Variants in TBCK observed in about 807,000 individuals in gnomAD.
TBCK encodes TBC domain-containing protein kinase-like protein.
TBCK carries 99 observed loss-of-function variants against 113.4 expected under a neutral mutation model. That is an observed-to-expected ratio of 0.87 (90% CI 0.74 to 1.03). TBCK has a LOEUF of 1.03. TBCK is among the 50% of genes least tolerant of loss of function. The pLI, the probability that TBCK is intolerant of heterozygous loss-of-function variation, is 0.00. For synonymous variants in TBCK, 369 were observed against 370.8 expected, an observed-to-expected ratio of 1.00 and a Z score of 0.05; for missense variants, 1,045 against 1,061.3, an observed-to-expected ratio of 0.98 and a Z score of 0.21.
rs192351210 is a variant in TBCK, at chr4:106,292,239, G to A, written c.266+2855C>T. Among the ~76,000 whole-genome samples the A allele has an allele frequency of 1.9e-4, 29 of 152,162 alleles. No individual in the cohort carries two copies. In the East Asian group the frequency reaches 3.9e-3, roughly 20 times the overall value. ...AAAAATGTCACCTGAACTTAACAACGTTTTGCAGGATATGATTAAAATTAT... is the reference window on the plus strand; with the variant it reads ...AAAAATGTCACCTGAACTTAACAACATTTTGCAGGATATGATTAAAATTAT... On this transcript the variant is annotated intron_variant, in intron 3 of 25. Coordinates refer to ENST00000394708, the MANE Select transcript of TBCK (RefSeq NM_001163435.3).
At chr4:106,279,474 T>C (rs1764364530) in intron 3 of TBCK, among the ~76,000 whole-genome samples, 1 of 152,172 alleles carries the variant, frequency 6.6e-6, no homozygotes, top group African/African-American at 2.4e-5. Flanking sequence ...AATTATACTA[T>C]TTCAGTAATT....
At chr4:106,157,448 C>A (rs1189556285) in intron 23 of TBCK, among the ~76,000 whole-genome samples, 1 of 152,030 alleles carries the variant, frequency 6.6e-6, no homozygotes, top group East Asian at 1.9e-4. Flanking sequence ...GCCTACACTG[C>A]CTTTGAAGTT....
At chr4:106,306,236 ATTTTTTTTTTT>A (rs60417567) in intron 2 of TBCK, among the ~76,000 whole-genome samples, 72 of 97,352 alleles carry the variant, frequency 7.4e-4, no homozygotes, top group African/African-American at 2.2e-3. Flanking sequence ...TGCCTGGCTA[ATTTTTTTTTTT>A]TTTTTTTTTT....
At chr4:106,300,437 G>A (rs895591208) in intron 2 of TBCK, among the ~76,000 whole-genome samples, 1 of 152,146 alleles carries the variant, frequency 6.6e-6, no homozygotes, top group Non-Finnish European at 1.5e-5. Context: ...GGTGAATCAT[G>A]AATGTCTTAA....
chr4:106,210,710 T>C (rs150582612), intron 20 of TBCK, among the ~76,000 whole-genome samples: 60 of 152,278 alleles, frequency 3.9e-4, no homozygotes, highest in Non-Finnish European at 8.1e-4. Flanking sequence ...ATTTATAAAC[T>C]TGTAGTATTT....
Position 106,285,532 on chromosome 4 carries a change from CT to C in TBCK, c.266+9561del, listed in dbSNP as rs1765030595. Among the ~76,000 whole-genome samples, 4 of 152,170 alleles carry C rather than the reference CT, an allele frequency of 2.6e-5. No individual in the cohort carries two copies. The South Asian group carries it at 8.3e-4, about 32-fold the overall frequency. On this transcript the variant is annotated intron_variant, in intron 3 of 25. Transcript: ENST00000394708. ...CTCTAAATTCCTAGTTTTCATTCCC[CT>C]GATCCCTGTCCCACCAAAGATTTAA... is the stretch of plus-strand genomic sequence containing the variant.
intron 3 of TBCK, among the ~76,000 whole-genome samples, chr4:106,267,491 TTAAC>T (rs2150119123): frequency 6.6e-6 from 1 of 152,046 alleles, no homozygotes; most frequent in South Asian, 2.1e-4. Context: ...ATATAAGCAA[TTAAC>T]TAAGCAGATA....
chr4:106,152,661 CGTTCTCTTTAAAT>C (rs972985563), intron 23 of TBCK, among the ~76,000 whole-genome samples: 6 of 152,094 alleles, frequency 3.9e-5, no homozygotes, highest in African/African-American at 1.4e-4. Context: ...AATTGGTACA[CGTTCTCTTTAAAT>C]GTTTGATAGA....
chr4:106,180,060 GCTCT>G (rs561239916), intron 22 of TBCK, among the ~76,000 whole-genome samples: 257 of 151,848 alleles, frequency 1.7e-3, no homozygotes, highest in Non-Finnish European at 3.1e-3. Context: ...AGTTGCTTCA[GCTCT>G]CTCTATAGTT....
At chr4:106,240,560 ATAT>A (rs1170619925) in intron 12 of TBCK, among the ~76,000 whole-genome samples, 1 of 152,042 alleles carries the variant, frequency 6.6e-6, no homozygotes, top group Non-Finnish European at 1.5e-5. Flanking sequence ...ATTTTAAAAA[ATAT>A]TATTGATTTA....
intron 25 of TBCK, among the ~76,000 whole-genome samples, chr4:106,049,751 T>C (rs1734609442): frequency 6.6e-6 from 1 of 152,046 alleles, no homozygotes; most frequent in Admixed American, 6.6e-5. Flanking sequence ...GGTGGCAGGA[T>C]ATCATACTGA....
intron 3 of TBCK, among the ~76,000 whole-genome samples, chr4:106,289,310 G>A (rs1019402614): frequency 6.6e-6 from 1 of 152,126 alleles, no homozygotes; most frequent in Non-Finnish European, 1.5e-5. Context: ...GGAATTGCTG[G>A]ATCATAAAAT....
At chr4:106,194,626 C>T in intron 21 of TBCK, 92 bp downstream of exon 21, 1 of 988,946 alleles carries the variant, frequency 1.0e-6, no homozygotes, top group Non-Finnish European at 1.5e-6. Context: ...ACTAAATCTG[C>T]TCAATGTTAT....
Position 106,051,879 on chromosome 4 carries a change from A to C in TBCK, c.2572-5199T>G, listed in dbSNP as rs575590985. 7.2e-5 allele frequency among the ~76,000 whole-genome samples: 11 copies of C among 152,020 alleles called. No individual in the cohort carries two copies. The East Asian group carries it at 2.1e-3, about 29-fold the overall frequency. ...CTTAATCAGTAGAACTGCCCATCTCAGTGCTCTCAATGAGAAACATAAGAG... is the reference window on the plus strand; with the variant it reads ...CTTAATCAGTAGAACTGCCCATCTCCGTGCTCTCAATGAGAAACATAAGAG... On this transcript the variant is annotated intron_variant, in intron 25 of 25. Transcript: ENST00000394708.
chr4:106,205,808 G>A lies in TBCK; in HGVS notation c.1860+6942C>T, dbSNP rs544087589. Among the ~76,000 whole-genome samples, 27 of 150,950 alleles carry A rather than the reference G, an allele frequency of 1.8e-4. No homozygotes were observed. The South Asian group carries it at 5.6e-3, about 31-fold the overall frequency. ...ACAAAAAAAACCACTGCTCTGAGAA[G>A]TTTAAGAAACTACCGCTATCTGAGA... On this transcript the variant is annotated intron_variant, in intron 20 of 25. Transcript: ENST00000394708.
chr4:106,245,249 A>C (rs1760667598), intron 10 of TBCK, among the ~76,000 whole-genome samples: 1 of 152,176 alleles, frequency 6.6e-6, no homozygotes, highest in Non-Finnish European at 1.5e-5. Context: ...CACAGTAAAT[A>C]TTGGAGGAAA....
intron 25 of TBCK, among the ~76,000 whole-genome samples, chr4:106,072,502 A>C (rs927035169): frequency 6.6e-6 from 1 of 152,220 alleles, no homozygotes; most frequent in East Asian, 1.9e-4. Flanking sequence ...TGGGTAACCC[A>C]ATCTTTCTCT....
At chr4:106,265,995 C>T (rs76150963) in intron 3 of TBCK, among the ~76,000 whole-genome samples, 19,645 of 151,680 alleles carry the variant, frequency 0.13, 1,604 homozygotes, top group South Asian at 0.24. Context: ...TGCCATATCA[C>T]TGAGTCTTAA....
intron 23 of TBCK, among the ~76,000 whole-genome samples, chr4:106,121,921 AG>A (rs1278206647): frequency 1.3e-5 from 2 of 152,240 alleles, no homozygotes; most frequent in African/African-American, 4.8e-5. Flanking sequence ...AAGAGAAAGC[AG>A]GAAAGATCTA....
Sources: allele counts gnomAD v4.1 joint callset (sites outside exome capture counted in the v4.1 genomes callset), GRCh38; gene constraint gnomAD v4.1.1; transcripts MANE v1.5; gene names NCBI Gene and HGNC (gene_info 2026-07-23, HGNC 2026-07-21).